MAML2: variants seen among roughly 807,000 people sequenced by gnomAD.
The protein encoded by MAML2 is mastermind like transcriptional coactivator 2.
MAML2 carries 22 observed loss-of-function variants against 96.1 expected under a neutral mutation model. The ratio of observed to expected loss-of-function variants is 0.23; its 90% CI spans 0.16 to 0.33. The LOEUF (loss-of-function observed/expected upper bound fraction) is 0.33. Among genes scored for constraint, MAML2 ranks in the 10% least tolerant of loss-of-function variants. MAML2 has a pLI of 1.00. For synonymous variants in MAML2, 561 were observed against 521.3 expected (o/e 1.08, Z -1.04); for missense variants, 1,367 against 1,392.4 (o/e 0.98, Z 0.29).
At chr11:96,026,069 T>C (rs1214634359) in intron 2 of MAML2, among the ~76,000 whole-genome samples, 4 of 152,180 alleles carry the variant, frequency 2.6e-5, no homozygotes, top group African/African-American at 9.7e-5. Flanking sequence ...ATTTTATAGA[T>C]GAGGAAACTG....
intron 1 of MAML2, among the ~76,000 whole-genome samples, chr11:96,281,739 A>T (rs949104103): frequency 6.6e-6 from 1 of 152,026 alleles, no homozygotes; most frequent in Non-Finnish European, 1.5e-5. Flanking sequence ...ATGTGGCAGC[A>T]TGCACCTGTA....
At chr11:96,301,887 C>T (rs772756119) in intron 1 of MAML2, among the ~76,000 whole-genome samples, 1 of 152,118 alleles carries the variant, frequency 6.6e-6, no homozygotes, top group Non-Finnish European at 1.5e-5. Context: ...GTATTACCTG[C>T]CAATATGTAG....
chr11:96,177,374 C>A (rs7111187), intron 1 of MAML2, among the ~76,000 whole-genome samples: 38,234 of 152,168 alleles, frequency 0.25, 5,116 homozygotes, highest in East Asian at 0.49. Flanking sequence ...GGCATGTCAC[C>A]GGGAAAGAAG....
chr11:96,066,165 A>T (rs186956943), intron 2 of MAML2, among the ~76,000 whole-genome samples: 60 of 152,244 alleles, frequency 3.9e-4, no homozygotes, highest in South Asian at 1.7e-3. Context: ...TGTTTTCCTT[A>T]AGCCCAAGGC....
At chr11:96,046,295 A>T (rs1858900964) in intron 2 of MAML2, among the ~76,000 whole-genome samples, 1 of 151,896 alleles carries the variant, frequency 6.6e-6, no homozygotes, top group Admixed American at 6.6e-5. Context: ...ATAGCCGGGG[A>T]GCTGGCAGAA....
At chr11:96,247,225 G>A (rs535912) in intron 1 of MAML2, among the ~76,000 whole-genome samples, 27,421 of 151,850 alleles carry the variant, frequency 0.18, 3,004 homozygotes, top group African/African-American at 0.31. Flanking sequence ...AAAAAAATAA[G>A]TAAACCTTCA....
intron 1 of MAML2, among the ~76,000 whole-genome samples, chr11:96,095,508 G>A (rs1859810359): frequency 6.6e-6 from 1 of 152,190 alleles, no homozygotes; most frequent in African/African-American, 2.4e-5. Flanking sequence ...TTTGGATTTG[G>A]AGAAAGTGAG....
At chr11:96,084,740 G>A (rs1939478) in intron 2 of MAML2, among the ~76,000 whole-genome samples, 71,314 of 152,040 alleles carry the variant, frequency 0.47, 17,567 homozygotes, top group Middle Eastern at 0.6. Flanking sequence ...CAGTAGAGAC[G>A]TGAGCCAAAG....
chr11:96,199,966 G>C (rs1861794457), intron 1 of MAML2, among the ~76,000 whole-genome samples: 2 of 152,166 alleles, frequency 1.3e-5, no homozygotes, highest in South Asian at 4.1e-4. Context: ...TCGCTCCACT[G>C]GGAAGGGAAT....
intron 1 of MAML2, among the ~76,000 whole-genome samples, chr11:96,161,271 C>A (rs573150744): frequency 5.3e-4 from 80 of 152,174 alleles, no homozygotes; most frequent in African/African-American, 1.8e-3. Context: ...CCTCAGCCTC[C>A]CCCACACAAA....
intron 2 of MAML2, among the ~76,000 whole-genome samples, chr11:96,019,304 G>T (rs1265191995): frequency 6.6e-6 from 1 of 152,010 alleles, no homozygotes; most frequent in Non-Finnish European, 1.5e-5. Context: ...AATAAGTGTG[G>T]CTAGTGAAGT....
rs1269265077 is a variant in MAML2, at chr11:96,093,083, T to A, written c.948A>T (p.Ile316=). 2 of 1,613,908 alleles carry A rather than the reference T, an allele frequency of 1.2e-6. No homozygotes were observed. The highest frequency in any genetic ancestry group is 2.7e-5 in the African/African-American group (2 of 74,942). ...CAAGGTCACTCATGGGAGGCACAGA[T>A]ATGTTGGTCAGTTCATTGAACAGTT... ...LQELFNELTN[I]SVPPMSDLEL... Residue 316 remains isoleucine, a synonymous_variant, in exon 2 of 5, where the codon ATA becomes ATT. Coordinates refer to ENST00000524717, the MANE Select transcript of MAML2 (RefSeq NM_032427.4).
At chr11:96,053,706 A>T (rs987245548) in intron 2 of MAML2, among the ~76,000 whole-genome samples, 3 of 152,196 alleles carry the variant, frequency 2.0e-5, no homozygotes, top group Non-Finnish European at 4.4e-5. Flanking sequence ...CTATTACCTC[A>T]TTAGGGTGAT....
intron 1 of MAML2, among the ~76,000 whole-genome samples, chr11:96,278,754 C>T (rs1197765262): frequency 6.6e-6 from 1 of 152,094 alleles, no homozygotes; most frequent in African/African-American, 2.4e-5. Flanking sequence ...TCAGCAATAC[C>T]ACATCACAAA....
chr11:96,329,263 A>G (rs187812197), intron 1 of MAML2, among the ~76,000 whole-genome samples: 67 of 152,276 alleles, frequency 4.4e-4, no homozygotes, highest in Admixed American at 1.6e-3. Flanking sequence ...CTCAAACTGG[A>G]ACTCTAAGTC....
At chr11:96,187,000 T>G (rs911499075) in intron 1 of MAML2, among the ~76,000 whole-genome samples, 1 of 152,248 alleles carries the variant, frequency 6.6e-6, no homozygotes, top group Non-Finnish European at 1.5e-5. Context: ...ATGTGAATAG[T>G]GCCTAGAGGC....
chr11:96,180,400 C>T (rs988427587), intron 1 of MAML2, among the ~76,000 whole-genome samples: 1 of 152,180 alleles, frequency 6.6e-6, no homozygotes, highest in South Asian at 2.1e-4. Context: ...ATACAGTTTC[C>T]ACTTGGCTCT....
At chr11:96,285,788 C>T (rs1863130672) in intron 1 of MAML2, among the ~76,000 whole-genome samples, 1 of 152,138 alleles carries the variant, frequency 6.6e-6, no homozygotes, top group Non-Finnish European at 1.5e-5. Flanking sequence ...CATCTCATGC[C>T]AGTCAGAATG....
intron 2 of MAML2, among the ~76,000 whole-genome samples, chr11:96,027,378 C>T (rs1375223683): frequency 1.1e-4 from 16 of 152,176 alleles, no homozygotes; most frequent in Non-Finnish European, 1.5e-5. Context: ...TAAGTAAGTT[C>T]TCAAGACCAC....
Sources: gnomAD v4.1 joint callset for allele counts (sites outside exome capture counted in the v4.1 genomes callset) on GRCh38, gnomAD v4.1.1 for gene constraint, MANE v1.5 for transcripts, NCBI Gene and HGNC (gene_info 2026-07-23, HGNC 2026-07-21) for gene names.